Variants in TIAM2 observed in about 807,000 individuals in gnomAD.
TIAM2 encodes TIAM Rac1 associated GEF 2.
A neutral mutation model predicts 152.9 loss-of-function variants in TIAM2; 80 were observed. The observed-to-expected ratio is 0.52, with a 90% CI of 0.44 to 0.63. The LOEUF (loss-of-function observed/expected upper bound fraction) is 0.63, where lower values mean the gene tolerates loss of function less well. Ranked by LOEUF, TIAM2 falls within the 30% of genes least tolerant of loss-of-function variation. The pLI, the probability that TIAM2 is intolerant of heterozygous loss-of-function variation, is 0.00. For synonymous variants in TIAM2, 804 were observed against 838.0 expected (o/e 0.96, Z 0.70); for missense variants, 1,965 against 2,120.1 (o/e 0.93, Z 1.44).
rs139875461 is a variant in TIAM2, at chr6:155,256,941, C to G, written c.4926C>G (p.Thr1642=). ...FCPIKRKANS[T]KRDRGTLLKA... is the part of the protein sequence containing the mutation. ...CCATTAAACGAAAAGCCAACAGCAC[C>G]AAGAGGGACAGAGGAACTTTGCTCA... The change falls in exon 27 of 27, where the codon ACC becomes ACG. Residue 1642 remains threonine, a synonymous_variant. Coordinates refer to ENST00000682666, the MANE Select transcript of TIAM2 (RefSeq NM_012454.4). 1.2e-5 allele frequency: 19 copies of G among 1,614,140 alleles called. No homozygotes were observed. The African/African-American group carries it at 2.0e-4, about 17-fold the overall frequency.
At chr6:155,093,098 G>T (rs1203823401) in intron 2 of TIAM2, among the ~76,000 whole-genome samples, 1 of 152,112 alleles carries the variant, frequency 6.6e-6, no homozygotes, top group Non-Finnish European at 1.5e-5. Context: ...TGTCTTTTTG[G>T]TATCAGACAG....
rs771358491 is a variant in TIAM2, at chr6:155,174,452, C to T, written c.2362-2364C>T. On this transcript the variant is annotated intron_variant, in intron 9 of 26. Transcript: ENST00000682666. The surrounding 1 kb of genome is among the most constrained non-coding windows in gnomAD (Gnocchi z 4.2). ...GTGGCACGATCTTGGCTCACTGCAA[C>T]CTCTGCCTCCCAGGTTCAAGCTGTT... 1.4e-4 allele frequency among the ~76,000 whole-genome samples: 21 copies of T among 152,050 alleles called. No homozygotes were observed. Among genetic ancestry groups the T allele is most frequent in the Middle Eastern group, 3.4e-3 (1 of 294 alleles).
chr6:155,240,840 A>T, intron 16 of TIAM2, 131 bp downstream of exon 16: 1 of 909,746 alleles, frequency 1.1e-6, no homozygotes, highest in South Asian at 1.8e-5. Context: ...TGCTCCTTGA[A>T]TCAGTGAATT....
chr6:155,048,140 A>T (rs1034447781), intron 1 of TIAM2, among the ~76,000 whole-genome samples: 1 of 152,118 alleles, frequency 6.6e-6, no homozygotes, highest in Non-Finnish European at 1.5e-5. Context: ...TTTTGTAGAC[A>T]CAGGGTTTCA....
chr6:155,133,284 T>G (rs1583207599), intron 4 of TIAM2, among the ~76,000 whole-genome samples: 1 of 151,882 alleles, frequency 6.6e-6, no homozygotes, highest in African/African-American at 2.4e-5. Flanking sequence ...GAGGTGGAGG[T>G]TGCAGTGAGC....
intron 14 of TIAM2, among the ~76,000 whole-genome samples, chr6:155,203,995 GT>G (rs1288274886): frequency 6.6e-6 from 1 of 152,118 alleles, no homozygotes; most frequent in Non-Finnish European, 1.5e-5. Flanking sequence ...GGAAGTTTGT[GT>G]TTCTGTTTTT....
chr6:155,187,719 C>T (rs1235756331), intron 14 of TIAM2, among the ~76,000 whole-genome samples: 2 of 151,710 alleles, frequency 1.3e-5, no homozygotes, highest in African/African-American at 4.8e-5. Context: ...GCTGGGATTA[C>T]AGGCATGCAC....
At chr6:155,116,693 G>C (rs2115016389) in intron 2 of TIAM2, among the ~76,000 whole-genome samples, 1 of 152,266 alleles carries the variant, frequency 6.6e-6, no homozygotes, top group Middle Eastern at 3.4e-3. Context: ...GCAAGAAGCT[G>C]TGTGGTTGCA....
chr6:155,233,258 A>G (rs902824374), intron 15 of TIAM2, among the ~76,000 whole-genome samples: 1 of 152,240 alleles, frequency 6.6e-6, no homozygotes, highest in African/African-American at 2.4e-5. Flanking sequence ...ATGTCTCTGA[A>G]TAAGACAAAA....
rs1169974393 is a variant in TIAM2, at chr6:155,129,539, A to T, written c.316A>T (p.Ile106Phe). Residue 106 changes from isoleucine (I) to phenylalanine (F), a missense_variant, in exon 4 of 27, where the codon ATC (isoleucine) becomes TTC (phenylalanine). This residue lies in a region of TIAM2 where 1,025 missense variants were observed against 1,119.4 expected (regional missense o/e 0.92). Transcript: ENST00000682666. The surrounding 1 kb of genome is among the most constrained non-coding windows in gnomAD (Gnocchi z 4.8). The stretch of plus-strand genomic sequence containing the variant: ...TGCCCCAGGGAAGGATTTCCAGGGC[A>T]TCAGTGCTGCTTTCTCAACTGAGAA... ...TNAPGKDFQG[I>F]SAAFSTENGF... 6.2e-7 allele frequency: 1 copy of T among 1,614,168 alleles called. No homozygotes were observed. The highest frequency in any genetic ancestry group is 1.1e-5 in the South Asian group (1 of 91,082).
chr6:155,077,078 T>C (rs1009706668), intron 1 of TIAM2, among the ~76,000 whole-genome samples: 4 of 152,242 alleles, frequency 2.6e-5, no homozygotes, highest in Admixed American at 6.5e-5. Context: ...TCATGCTAAT[T>C]TATCAGTAAT....
chr6:155,110,332 T>TTTTTTTTG (rs1244132833), intron 2 of TIAM2, among the ~76,000 whole-genome samples: 30 of 137,354 alleles, frequency 2.2e-4, no homozygotes, highest in East Asian at 1.1e-3. Context: ...TTTTTTTTGT[T>TTTTTTTTG]GTTCTTTCTT....
intron 14 of TIAM2, among the ~76,000 whole-genome samples, chr6:155,191,258 G>T (rs1583240226): frequency 1.3e-5 from 2 of 152,312 alleles, no homozygotes; most frequent in South Asian, 2.1e-4. Flanking sequence ...CCTTGGACAA[G>T]TCACTTAACC....
intron 7 of TIAM2, among the ~76,000 whole-genome samples, chr6:155,151,074 T>C (rs547077117): frequency 6.6e-6 from 1 of 152,196 alleles, no homozygotes; most frequent in Non-Finnish European, 1.5e-5. Context: ...TCCTCAGGCA[T>C]CTGGGAATAG....
chr6:155,206,034 A>G (rs1032930192), intron 14 of TIAM2, among the ~76,000 whole-genome samples: 1 of 152,094 alleles, frequency 6.6e-6, no homozygotes, highest in Non-Finnish European at 1.5e-5. Context: ...TTCGTTGTAA[A>G]GGATCTGGGG....
chr6:155,114,036 A>ATATATATATATATATATATTT, intron 2 of TIAM2, among the ~76,000 whole-genome samples: 2 of 34,906 alleles, frequency 5.7e-5, no homozygotes, highest in Non-Finnish European at 1.0e-4. Context: ...ATATATATAT[A>ATATATATATATATATATATTT]TTTTTTTTTT....
At chr6:155,114,296 C>T (rs903303078) in intron 2 of TIAM2, among the ~76,000 whole-genome samples, 5 of 151,658 alleles carry the variant, frequency 3.3e-5, no homozygotes, top group Admixed American at 6.6e-5. Flanking sequence ...CTCAAGTGAT[C>T]CTCCTGCCTC....
chr6:155,013,917 TACACACACACACACACACACACAC>T (rs3082347), intron 1 of TIAM2: 1 of 145,310 alleles, frequency 6.9e-6, no homozygotes, highest in African/African-American at 2.6e-5. Context: ...TGTATCTGTC[TACACACACACACACACACACACAC>T]ACACACACAC....
At chr6:155,074,559 G>A (rs1040848970) in intron 1 of TIAM2, among the ~76,000 whole-genome samples, 1 of 152,104 alleles carries the variant, frequency 6.6e-6, no homozygotes. Flanking sequence ...CGTGGGCCAG[G>A]TGGGTCTCGA....
Sources: gnomAD v4.1 joint callset for allele counts (sites outside exome capture counted in the v4.1 genomes callset) on GRCh38, gnomAD v4.1.1 for gene constraint, gnomAD v4.1.1 regional missense constraint, Gnocchi (gnomAD v3.1) non-coding constraint, MANE v1.5 for transcripts, NCBI Gene and HGNC (gene_info 2026-07-23, HGNC 2026-07-21) for gene names.